Variants in WDR33 observed in about 807,000 individuals in gnomAD.
WDR33 encodes WD repeat domain 33, also known as pre-mRNA 3' end processing protein WDR33.
WDR33 carries 47 observed loss-of-function variants against 164.9 expected under a neutral mutation model. The ratio of observed to expected loss-of-function variants is 0.29; its 90% CI spans 0.23 to 0.36. The LOEUF (loss-of-function observed/expected upper bound fraction) is 0.36. WDR33 is among the 10% of genes least tolerant of loss of function. The pLI, the probability that WDR33 is intolerant of heterozygous loss-of-function variation, is 1.00. For missense variants in WDR33, 1,137 were observed against 1,754.1 expected (o/e 0.65, Z 6.28); for synonymous variants, 505 against 589.0 (o/e 0.86, Z 2.06).
intron 1 of WDR33, among the ~76,000 whole-genome samples, chr2:127,784,236 A>C (rs906612672): frequency 6.6e-6 from 1 of 152,188 alleles, no homozygotes; most frequent in African/African-American, 2.4e-5. Flanking sequence ...TATGAAAAAA[A>C]ATCTGGATTC....
chr2:127,747,346 AAT>A (rs1258462521), intron 7 of WDR33, among the ~76,000 whole-genome samples: 1 of 152,208 alleles, frequency 6.6e-6, no homozygotes, highest in Non-Finnish European at 1.5e-5. Flanking sequence ...TTCTGTGTGA[AAT>A]AGTCTTTAGG....
Position 127,714,375 on chromosome 2 carries a change from C to T in WDR33, c.2870-354G>A, listed in dbSNP as rs188599297. On this transcript the variant is annotated intron_variant, in intron 17 of 21. Transcript: ENST00000322313. This position sits in a 1 kb window ranked among gnomAD's most constrained non-coding sequence, Gnocchi z 4.3. ...ATTCTTTCAGGCATTTCATTAGGGC[C>T]ACCTGCTCCACATCCAAGGAGGACA... Among the ~76,000 whole-genome samples the T allele has an allele frequency of 6.6e-6, 1 of 152,300 alleles. No homozygotes were observed. Among genetic ancestry groups the T allele is most frequent in the East Asian group, 1.9e-4 (1 of 5,190 alleles).
chr2:127,786,736 T>C (rs1688588244), intron 1 of WDR33, among the ~76,000 whole-genome samples: 1 of 152,120 alleles, frequency 6.6e-6, no homozygotes, highest in Non-Finnish European at 1.5e-5. Context: ...TCCTATAACC[T>C]TGATAAACTC....
At chr2:127,733,587 T>A (rs1443312237) in intron 7 of WDR33, among the ~76,000 whole-genome samples, 1 of 152,208 alleles carries the variant, frequency 6.6e-6, no homozygotes, top group Non-Finnish European at 1.5e-5. Flanking sequence ...TAAATTTGTT[T>A]TAGGGTTAAA....
intron 8 of WDR33, among the ~76,000 whole-genome samples, chr2:127,725,511 TG>T (rs1226043828): frequency 6.6e-6 from 1 of 151,816 alleles, no homozygotes; most frequent in Non-Finnish European, 1.5e-5. Flanking sequence ...CCTAGGCGAG[TG>T]GATCACCTGA....
chr2:127,714,492 C>A lies in WDR33; in HGVS notation c.2870-471G>T, dbSNP rs2240818. ...GGGTGCCACTGCCACCCATGACATC[C>A]CTCCTCTAACCCCAGCTTGTTGCAC... On this transcript the variant is annotated intron_variant, in intron 17 of 21. Coordinates refer to ENST00000322313, the MANE Select transcript of WDR33 (RefSeq NM_018383.5). The surrounding 1 kb of genome is among the most constrained non-coding windows in gnomAD (Gnocchi z 4.3). Among the ~76,000 whole-genome samples, 1 of 152,136 alleles carries A rather than the reference C, an allele frequency of 6.6e-6. No individual in the cohort carries two copies. Among genetic ancestry groups the A allele is most frequent in the Admixed American group, 6.5e-5 (1 of 15,278 alleles).
At chr2:127,727,206 C>T (rs1686593107) in intron 7 of WDR33, among the ~76,000 whole-genome samples, 1 of 152,144 alleles carries the variant, frequency 6.6e-6, no homozygotes, top group Non-Finnish European at 1.5e-5. Flanking sequence ...GAATTTAGGA[C>T]TTTGGGACCA....
intron 1 of WDR33, among the ~76,000 whole-genome samples, chr2:127,781,206 T>G (rs1391623780): frequency 6.6e-6 from 1 of 152,200 alleles, no homozygotes; most frequent in African/African-American, 2.4e-5. Flanking sequence ...TTATCTTGAC[T>G]GTGGTAATAG....
At chr2:127,787,821 C>T (rs1333473238) in intron 1 of WDR33, among the ~76,000 whole-genome samples, 29 of 56,012 alleles carry the variant, frequency 5.2e-4, no homozygotes, top group East Asian at 7.8e-4. Flanking sequence ...CCGGACGGGG[C>T]GGCTGGCCGG....
chr2:127,707,572 AAGAAAG>A (rs1360484344), intron 21 of WDR33, among the ~76,000 whole-genome samples: 6 of 152,244 alleles, frequency 3.9e-5, no homozygotes, highest in African/African-American at 1.2e-4. Context: ...CTGAGTGCCC[AAGAAAG>A]TCAGCCAAGG....
At chr2:127,736,255 G>C in intron 7 of WDR33, 1 of 985,406 alleles carries the variant, frequency 1.0e-6, no homozygotes, top group Non-Finnish European at 1.2e-6. Flanking sequence ...TGATGAACCT[G>C]AATTCAGCAG....
chr2:127,809,624 C>CG (rs1048678282), intron 1 of WDR33, among the ~76,000 whole-genome samples: 1 of 151,764 alleles, frequency 6.6e-6, no homozygotes, highest in African/African-American at 2.4e-5. Context: ...TTAGTAGAGA[C>CG]GGGGTTCCGC....
At chr2:127,797,815 C>G (rs942156118) in intron 1 of WDR33, among the ~76,000 whole-genome samples, 12 of 152,108 alleles carry the variant, frequency 7.9e-5, no homozygotes, top group African/African-American at 2.9e-4. Context: ...AGTTCGAGAC[C>G]AGTCTGGGCA....
At chr2:127,744,293 T>C (rs1362092667) in intron 7 of WDR33, among the ~76,000 whole-genome samples, 1 of 152,104 alleles carries the variant, frequency 6.6e-6, no homozygotes, top group Non-Finnish European at 1.5e-5. Context: ...AATATAAAGG[T>C]ATTAGGAAGC....
Position 127,702,099 on chromosome 2 carries a change from G to A in WDR33, c.*4224C>T. 8.2e-7 allele frequency: 1 copy of A among 1,217,458 alleles called. No individual in the cohort carries two copies. The highest frequency in any genetic ancestry group is 1.0e-6 in the Non-Finnish European group (1 of 981,256). 75.4% of individuals were successfully genotyped at this position (1,217,458 alleles called of 1,614,324 possible). A position where few individuals can be genotyped will look rare whatever the true frequency, so the allele number is the denominator to read the frequency against. On this transcript the variant is annotated 3_prime_UTR_variant, in exon 22 of 22. Transcript: ENST00000322313. ...CGCGCTGGTTGGGCTGCTGCCCTGG[G>A]GCGGCGGCACCGCGCTGCGCCTCGC... is the stretch of plus-strand genomic sequence containing the variant.
At chr2:127,737,363 ATG>A in intron 7 of WDR33, 1 of 985,382 alleles carries the variant, frequency 1.0e-6, no homozygotes, top group Non-Finnish European at 1.2e-6. Context: ...GTGTGTACAT[ATG>A]TGTGTGTGTA....
intron 7 of WDR33, among the ~76,000 whole-genome samples, chr2:127,729,936 T>C (rs906970791): frequency 1.3e-5 from 2 of 152,152 alleles, no homozygotes; most frequent in Non-Finnish European, 2.9e-5. Flanking sequence ...CATGCTAACA[T>C]TTAGAACTTA....
At chr2:127,793,960 C>T (rs553258773) in intron 1 of WDR33, among the ~76,000 whole-genome samples, 1 of 151,878 alleles carries the variant, frequency 6.6e-6, no homozygotes, top group Non-Finnish European at 1.5e-5. Flanking sequence ...AATGGTGAAA[C>T]CCTGTCTCTA....
rs138775275 is a variant in WDR33 at position 127,751,970 on chromosome 2, G to A, written c.724+11092C>T. ...TCAAGTCCCCAAAGTCAGCTAGTCC[G>A]TTTGGTCAAACTGACAAGTTTCACG... is the stretch of plus-strand genomic sequence containing the variant. On this transcript the variant is annotated intron_variant, in intron 7 of 21. Coordinates refer to ENST00000322313, the MANE Select transcript of WDR33 (RefSeq NM_018383.5). Among the ~76,000 whole-genome samples the A allele has an allele frequency of 4.6e-5, 7 of 152,290 alleles. No homozygotes were observed. The East Asian group carries it at 9.6e-4, about 21-fold the overall frequency.
Sources: allele counts gnomAD v4.1 joint callset (sites outside exome capture counted in the v4.1 genomes callset), GRCh38; gene constraint gnomAD v4.1.1; non-coding constraint Gnocchi (gnomAD v3.1); transcripts MANE v1.5; gene names NCBI Gene and HGNC (gene_info 2026-07-23, HGNC 2026-07-21).